The following ELOVL6 variants were observed in gnomAD, a reference collection of about 807,000 sequenced individuals.
ELOVL6 encodes ELOVL fatty acid elongase 6, also known as very long chain fatty acid elongase 6.
A neutral mutation model predicts 31.7 loss-of-function variants in ELOVL6; 8 were observed. That is an observed-to-expected ratio of 0.25 (90% CI 0.15 to 0.45). The LOEUF (loss-of-function observed/expected upper bound fraction) is 0.45. Ranked by LOEUF, ELOVL6 falls within the 20% of genes least tolerant of loss-of-function variation. The pLI, the probability that ELOVL6 is intolerant of heterozygous loss-of-function variation, is 1.00. For synonymous variants in ELOVL6, 101 were observed against 117.7 expected (o/e 0.86, Z 0.92); for missense variants, 126 against 326.4 (o/e 0.39, Z 4.73).
chr4:110,174,995 A>C (rs903949747), intron 1 of ELOVL6, among the ~76,000 whole-genome samples: 1 of 152,000 alleles, frequency 6.6e-6, no homozygotes, highest in African/African-American at 2.4e-5. Context: ...TGTAAATTCC[A>C]TGTATGTTAT....
rs987877920 is a variant in ELOVL6 at position 110,085,171 on chromosome 4, G to A, written c.221+20326C>T. On this transcript the variant is annotated intron_variant, in intron 2 of 3. Coordinates refer to ENST00000302274, the MANE Select transcript of ELOVL6 (RefSeq NM_024090.3). ...GAGGTTAGGCAATGTATGTGCATGC[G>A]TTGGAGGGATGTGGGGAGGGGAAAT... is the stretch of plus-strand genomic sequence containing the variant. Among the ~76,000 whole-genome samples the A allele has an allele frequency of 5.3e-5, 8 of 152,150 alleles. No individual in the cohort carries two copies. In the East Asian group the frequency reaches 5.8e-4, roughly 11 times the overall value.
chr4:110,101,464 A>G (rs1034668), intron 2 of ELOVL6, among the ~76,000 whole-genome samples: 46,940 of 152,014 alleles, frequency 0.31, 8,317 homozygotes, highest in East Asian at 0.71. Context: ...AGATATGAAC[A>G]TGTGTACGTA....
rs111513658 is a variant in ELOVL6 at position 110,105,924 on chromosome 4, G to C, written c.90-296C>G. 7.9e-4 allele frequency among the ~76,000 whole-genome samples: 120 copies of C among 152,306 alleles called. 1 individual carries two copies. Among genetic ancestry groups the C allele is most frequent in the African/African-American group, 2.5e-3 (104 of 41,566 alleles). ...ACATAGCATTGAAGTACAAAAAGTA[G>C]TCTTTTCACTGAGAGAAATAATTTT... On this transcript the variant is annotated intron_variant, in intron 1 of 3. Transcript: ENST00000302274.
chr4:110,087,362 G>C (rs759055693), intron 2 of ELOVL6, among the ~76,000 whole-genome samples: 27 of 152,250 alleles, frequency 1.8e-4, no homozygotes, highest in Non-Finnish European at 3.7e-4. Context: ...CATTCGATTA[G>C]TCAAAGCTAA....
intron 1 of ELOVL6, among the ~76,000 whole-genome samples, chr4:110,131,637 GA>G (rs1215110523): frequency 1.3e-5 from 2 of 151,596 alleles, no homozygotes; most frequent in Non-Finnish European, 1.5e-5. Context: ...AAAAACTAAA[GA>G]AAAAAAACAA....
intron 1 of ELOVL6, among the ~76,000 whole-genome samples, chr4:110,119,572 C>G (rs868027752): frequency 6.6e-6 from 1 of 152,170 alleles, no homozygotes; most frequent in Non-Finnish European, 1.5e-5. Context: ...ACTGGTCAGA[C>G]AGTGTCCGGA....
At chr4:110,053,105 A>C (rs1754878172) in intron 3 of ELOVL6, among the ~76,000 whole-genome samples, 1 of 152,126 alleles carries the variant, frequency 6.6e-6, no homozygotes, top group African/African-American at 2.4e-5. Context: ...AGCTAATTTA[A>C]AAAAACTTTT....
rs543539325 is a variant in ELOVL6 at position 110,126,573 on chromosome 4, C to T, written c.90-20945G>A. On this transcript the variant is annotated intron_variant, in intron 1 of 3. Coordinates refer to ENST00000302274, the MANE Select transcript of ELOVL6 (RefSeq NM_024090.3). Reference sequence around the variant, plus strand: ...ACAAATTTAAGAGGATTTGAAGGTGCTAGTCATCTAACAACCCTATGTACA... The same window carrying T: ...ACAAATTTAAGAGGATTTGAAGGTGTTAGTCATCTAACAACCCTATGTACA... 2.6e-5 allele frequency among the ~76,000 whole-genome samples: 4 copies of T among 152,284 alleles called. No homozygotes were observed. In the South Asian group the frequency reaches 6.2e-4, roughly 24 times the overall value.
At position 110,196,189 on chromosome 4, in the gene ELOVL6, G is replaced by C. The variant is rs569200155; in HGVS notation, c.89+2058C>G. Among the ~76,000 whole-genome samples the C allele has an allele frequency of 2.5e-4, 38 of 152,288 alleles. No individual in the cohort carries two copies. The East Asian group carries it at 7.2e-3, about 29-fold the overall frequency. On this transcript the variant is annotated intron_variant, in intron 1 of 3. Coordinates refer to ENST00000302274, the MANE Select transcript of ELOVL6 (RefSeq NM_024090.3). ...GGAATGGCGGGCGTACAGTGAATGGGGTCAGCCAGCAAAGCGAGGGAAAGC... is the reference window on the plus strand; with the variant it reads ...GGAATGGCGGGCGTACAGTGAATGGCGTCAGCCAGCAAAGCGAGGGAAAGC...
intron 2 of ELOVL6, among the ~76,000 whole-genome samples, chr4:110,075,620 G>T (rs1755606850): frequency 6.6e-6 from 1 of 152,106 alleles, no homozygotes; most frequent in African/African-American, 2.4e-5. Context: ...GCAGAAATGA[G>T]GAGTTTTCAC....
intron 2 of ELOVL6, among the ~76,000 whole-genome samples, chr4:110,104,633 C>T (rs1447511511): frequency 6.6e-6 from 1 of 152,156 alleles, no homozygotes; most frequent in African/African-American, 2.4e-5. Flanking sequence ...TTTTGTGTTT[C>T]ATAGTATATC....
At chr4:110,086,559 C>G (rs1201798777) in intron 2 of ELOVL6, among the ~76,000 whole-genome samples, 3 of 152,102 alleles carry the variant, frequency 2.0e-5, no homozygotes, top group Non-Finnish European at 4.4e-5. Flanking sequence ...AGCTTCTAAA[C>G]CACTCTCCCT....
chr4:110,098,980 T>C (rs199780778), intron 2 of ELOVL6, among the ~76,000 whole-genome samples: 1 of 152,186 alleles, frequency 6.6e-6, no homozygotes, highest in South Asian at 2.1e-4. Flanking sequence ...GACGGTCTTA[T>C]GTACAAACTG....
At chr4:110,102,862 C>A (rs527963162) in intron 2 of ELOVL6, among the ~76,000 whole-genome samples, 2 of 150,524 alleles carry the variant, frequency 1.3e-5, no homozygotes, top group Non-Finnish European at 3.0e-5. Flanking sequence ...CAGCTGGGTC[C>A]CCACCAAAAT....
intron 2 of ELOVL6, among the ~76,000 whole-genome samples, chr4:110,084,582 ATATATATTTTTT>A (rs1756180025): frequency 3.7e-5 from 2 of 54,508 alleles, no homozygotes; most frequent in African/African-American, 1.3e-4. Flanking sequence ...ATATATATAT[ATATATATTTTTT>A]TTTTTTTTTT....
At chr4:110,170,956 C>T (rs1216789326) in intron 1 of ELOVL6, among the ~76,000 whole-genome samples, 1 of 152,080 alleles carries the variant, frequency 6.6e-6, no homozygotes, top group Non-Finnish European at 1.5e-5. Context: ...TTTCCCCAGC[C>T]CAAGGCAGAA....
At chr4:110,094,995 AC>A (rs1440285973) in intron 2 of ELOVL6, among the ~76,000 whole-genome samples, 1 of 152,230 alleles carries the variant, frequency 6.6e-6, no homozygotes, top group Non-Finnish European at 1.5e-5. Context: ...ACCAAGAAGT[AC>A]ATCAGTTAAG....
At chr4:110,104,930 A>G (rs1756843791) in intron 2 of ELOVL6, among the ~76,000 whole-genome samples, 1 of 152,212 alleles carries the variant, frequency 6.6e-6, no homozygotes, top group Non-Finnish European at 1.5e-5. Flanking sequence ...GAGTTCTTTC[A>G]CATTTACAAA....
At chr4:110,122,681 A>G (rs1757387797) in intron 1 of ELOVL6, among the ~76,000 whole-genome samples, 1 of 152,128 alleles carries the variant, frequency 6.6e-6, no homozygotes, top group Non-Finnish European at 1.5e-5. Flanking sequence ...CCCGGCCCCA[A>G]AATGCTTTGA....
Sources: allele counts gnomAD v4.1 joint callset (sites outside exome capture counted in the v4.1 genomes callset), GRCh38; gene constraint gnomAD v4.1.1; transcripts MANE v1.5; gene names NCBI Gene and HGNC (gene_info 2026-07-23, HGNC 2026-07-21).